Variants in LDB2 observed in about 807,000 individuals in gnomAD.
LDB2 encodes LIM domain binding 2, also known as LIM domain-binding protein 2.
A neutral mutation model predicts 44.3 loss-of-function variants in LDB2; 12 were observed. The ratio of observed to expected loss-of-function variants is 0.27; its 90% CI spans 0.17 to 0.44. LDB2 has a LOEUF of 0.44. LDB2 is among the 20% of genes least tolerant of loss of function. LDB2 has a pLI of 1.00. For missense variants in LDB2, 344 were observed against 473.5 expected (o/e 0.73, Z 2.54); for synonymous variants, 164 against 174.8 (o/e 0.94, Z 0.49).
chr4:16,766,696 G>C (rs1477528254), intron 1 of LDB2, among the ~76,000 whole-genome samples: 2 of 151,778 alleles, frequency 1.3e-5, no homozygotes, highest in Admixed American at 6.6e-5. Flanking sequence ...AGTAGAGACA[G>C]GGTTTCACCA....
intron 1 of LDB2, among the ~76,000 whole-genome samples, chr4:16,896,647 C>T (rs1725105397): frequency 6.6e-6 from 1 of 151,340 alleles, no homozygotes; most frequent in African/African-American, 2.4e-5. Flanking sequence ...CCATAATGGT[C>T]CCTGGCCTCT....
intron 2 of LDB2, among the ~76,000 whole-genome samples, chr4:16,600,382 C>T (rs1398294981): frequency 1.3e-5 from 2 of 151,988 alleles, no homozygotes; most frequent in African/African-American, 4.8e-5. Context: ...ATTATAAAGG[C>T]GATGGTATTT....
intron 3 of LDB2, among the ~76,000 whole-genome samples, chr4:16,590,976 C>A (rs1202768955): frequency 6.6e-6 from 1 of 152,176 alleles, no homozygotes; most frequent in African/African-American, 2.4e-5. Flanking sequence ...GGGGTGTCGG[C>A]ATGACAGAAG....
chr4:16,845,444 C>A (rs779472794), intron 1 of LDB2, among the ~76,000 whole-genome samples: 97 of 152,220 alleles, frequency 6.4e-4, no homozygotes, highest in Non-Finnish European at 1.0e-3. Flanking sequence ...GCAAAGCTTA[C>A]TTTTCTCTCT....
chr4:16,561,537 A>C (rs1027880694), intron 5 of LDB2, among the ~76,000 whole-genome samples: 7 of 152,164 alleles, frequency 4.6e-5, no homozygotes, highest in African/African-American at 1.7e-4. Flanking sequence ...CTTCAAGGAG[A>C]ACTACAAACC....
At chr4:16,658,465 C>T (rs1490822838) in intron 2 of LDB2, among the ~76,000 whole-genome samples, 2 of 152,100 alleles carry the variant, frequency 1.3e-5, no homozygotes, top group African/African-American at 4.8e-5. Context: ...AGACCAGATG[C>T]AGACATCAGG....
At chr4:16,824,250 T>C (rs1432021048) in intron 1 of LDB2, among the ~76,000 whole-genome samples, 1 of 152,194 alleles carries the variant, frequency 6.6e-6, no homozygotes, top group Non-Finnish European at 1.5e-5. Flanking sequence ...TGCACACAAA[T>C]GTGCTTTCAT....
chr4:16,553,210 A>G (rs1214586966), intron 5 of LDB2, among the ~76,000 whole-genome samples: 4 of 152,244 alleles, frequency 2.6e-5, no homozygotes, highest in Non-Finnish European at 4.4e-5. Flanking sequence ...GCTGGAGTGC[A>G]GTAGCAATCA....
intron 2 of LDB2, among the ~76,000 whole-genome samples, chr4:16,632,042 T>G (rs1732103340): frequency 6.6e-6 from 1 of 152,200 alleles, no homozygotes. Context: ...TCCGAAACTA[T>G]TCCAATCAAT....
intron 1 of LDB2, among the ~76,000 whole-genome samples, chr4:16,798,346 G>A (rs1777134726): frequency 6.6e-6 from 1 of 152,128 alleles, no homozygotes. Flanking sequence ...GGATAACTAT[G>A]GGATCAAGTC....
At chr4:16,565,777 G>T (rs556151212) in intron 5 of LDB2, among the ~76,000 whole-genome samples, 27 of 152,042 alleles carry the variant, frequency 1.8e-4, no homozygotes, top group African/African-American at 6.0e-4. Flanking sequence ...ATTAAGAATA[G>T]TTTAAAGGTG....
chr4:16,635,206 G>A (rs1280783055), intron 2 of LDB2, among the ~76,000 whole-genome samples: 2 of 152,008 alleles, frequency 1.3e-5, no homozygotes, highest in Non-Finnish European at 2.9e-5. Flanking sequence ...TGAGTTGATG[G>A]GTGTAGCAAA....
At chr4:16,674,148 A>G (rs1745642981) in intron 2 of LDB2, 1 of 875,816 alleles carries the variant, frequency 1.1e-6, no homozygotes, top group African/African-American at 1.7e-5. Context: ...CATTTTACGC[A>G]TTTCCAGAAT....
At position 16,541,606 on chromosome 4, in the gene LDB2, A is replaced by G. The variant is rs149415575; in HGVS notation, c.616-29502T>C. 4.8e-3 allele frequency among the ~76,000 whole-genome samples: 727 copies of G among 152,322 alleles called. 6 individuals are homozygous for G. Among genetic ancestry groups the G allele is most frequent in the African/African-American group, 0.017 (690 of 41,568 alleles). ...TCTCCCTGCCTGGGGCATCCCAGGT[A>G]AGGGCTGAGCAGCATCAAGAAAATC... On this transcript the variant is annotated intron_variant, in intron 5 of 7. Transcript: ENST00000304523.
At chr4:16,602,399 T>C (rs1318792147) in intron 2 of LDB2, among the ~76,000 whole-genome samples, 1 of 152,174 alleles carries the variant, frequency 6.6e-6, no homozygotes, top group Non-Finnish European at 1.5e-5. Flanking sequence ...GAATTTTGAT[T>C]GAACGAGTTT....
At chr4:16,545,422 C>T (rs971312127) in intron 5 of LDB2, among the ~76,000 whole-genome samples, 3 of 152,272 alleles carry the variant, frequency 2.0e-5, no homozygotes, top group South Asian at 2.1e-4. Context: ...ATATTAACAG[C>T]GCTGCTGGTA....
chr4:16,680,303 T>C (rs751634777), intron 2 of LDB2, among the ~76,000 whole-genome samples: 1 of 152,188 alleles, frequency 6.6e-6, no homozygotes, highest in Non-Finnish European at 1.5e-5. Flanking sequence ...GGCATGGCAG[T>C]GCAAACGAAG....
intron 5 of LDB2, among the ~76,000 whole-genome samples, chr4:16,525,146 A>T (rs988768311): frequency 6.6e-6 from 1 of 152,210 alleles, no homozygotes; most frequent in East Asian, 1.9e-4. Context: ...TGGGATAAGT[A>T]CCCGCAAGAC....
chr4:16,703,061 C>T (rs375277206), intron 2 of LDB2, among the ~76,000 whole-genome samples: 3 of 152,116 alleles, frequency 2.0e-5, no homozygotes, highest in Non-Finnish European at 4.4e-5. Context: ...ATTTATCCAG[C>T]GTCTTCTGTG....
Sources: allele counts gnomAD v4.1 joint callset (sites outside exome capture counted in the v4.1 genomes callset), GRCh38; gene constraint gnomAD v4.1.1; transcripts MANE v1.5; gene names NCBI Gene and HGNC (gene_info 2026-07-23, HGNC 2026-07-21).